The following CACNA1C variants were observed in gnomAD, a reference collection of about 807,000 sequenced individuals.
CACNA1C encodes the protein calcium voltage-gated channel subunit alpha1 C.
A neutral mutation model predicts 229.0 loss-of-function variants in CACNA1C; 30 were observed. The ratio of observed to expected loss-of-function variants is 0.13; its 90% CI spans 0.10 to 0.18. CACNA1C has a LOEUF of 0.18. CACNA1C is among the 10% of genes least tolerant of loss of function. CACNA1C has a pLI of 1.00. For missense variants in CACNA1C, 1,658 were observed against 2,845.0 expected (o/e 0.58, Z 9.49); for synonymous variants, 1,114 against 1,132.5 (o/e 0.98, Z 0.33).
intron 1 of CACNA1C, chr12:1,991,096 T>C (rs1593205116): frequency 2.2e-6 from 1 of 456,132 alleles, no homozygotes. Flanking sequence ...ATTAGAAACA[T>C]TTTAATATGC....
intron 3 of CACNA1C, among the ~76,000 whole-genome samples, chr12:2,238,082 G>C (rs2154370440): frequency 6.6e-6 from 1 of 152,314 alleles, no homozygotes; most frequent in African/African-American, 2.4e-5. Context: ...GAGACTCTTT[G>C]TTCTAGCCTT....
intron 3 of CACNA1C, among the ~76,000 whole-genome samples, chr12:2,369,144 G>A (rs945767117): frequency 6.6e-6 from 1 of 152,200 alleles, no homozygotes; most frequent in Non-Finnish European, 1.5e-5. Context: ...ATCCTCCTAT[G>A]TGTCTCCAAA....
At chr12:2,501,664 T>C (rs1441015286) in intron 7 of CACNA1C, among the ~76,000 whole-genome samples, 1 of 152,232 alleles carries the variant, frequency 6.6e-6, no homozygotes, top group Non-Finnish European at 1.5e-5. Context: ...CCTAATCTCA[T>C]GTCACCAATC....
chr12:2,523,597 A>G (rs1395818872), intron 9 of CACNA1C, among the ~76,000 whole-genome samples: 1 of 152,276 alleles, frequency 6.6e-6, no homozygotes, highest in East Asian at 1.9e-4. Flanking sequence ...GGGATCACTG[A>G]CACGTGGTGT....
At chr12:2,375,636 C>T (rs2098030710) in intron 3 of CACNA1C, among the ~76,000 whole-genome samples, 1 of 152,206 alleles carries the variant, frequency 6.6e-6, no homozygotes, top group Non-Finnish European at 1.5e-5. Flanking sequence ...GTTTTCCAGG[C>T]CGCTGTCTCT....
At chr12:2,681,707 C>T (rs571719417) in intron 42 of CACNA1C, among the ~76,000 whole-genome samples, 11 of 152,096 alleles carry the variant, frequency 7.2e-5, no homozygotes, top group African/African-American at 2.2e-4. Flanking sequence ...TCCTCCTCCT[C>T]GAGAGAGAGA....
In CACNA1C at chr12:2,004,696, G is replaced by A. The variant is rs1593508640; in HGVS notation, c.139+33495G>A. The A allele has an allele frequency of 2.8e-5, 14 of 495,240 alleles. 1 individual carries two copies. In the East Asian group the frequency reaches 5.0e-4, roughly 18 times the overall value. 30.7% of individuals were successfully genotyped at this position (495,240 alleles called of 1,614,324 possible). A position where few individuals can be genotyped will look rare whatever the true frequency, so the allele number is the denominator to read the frequency against. On this transcript the variant is annotated intron_variant, in intron 1 of 46. Coordinates refer to the CACNA1C transcript ENST00000682462. ...CTGCATCCCGTTTCTTTCTCCAAGAGCTGTTTTTCTACGCGCTCGAGCCTT... is the reference window on the plus strand; with the variant it reads ...CTGCATCCCGTTTCTTTCTCCAAGAACTGTTTTTCTACGCGCTCGAGCCTT...
intron 3 of CACNA1C, among the ~76,000 whole-genome samples, chr12:2,295,121 G>A (rs2093917341): frequency 6.6e-6 from 1 of 152,244 alleles, no homozygotes; most frequent in Non-Finnish European, 1.5e-5. Context: ...GTGTGCCTCT[G>A]AGAGTCTTCT....
chr12:2,200,146 G>A (rs898295665), intron 3 of CACNA1C, among the ~76,000 whole-genome samples: 2 of 152,162 alleles, frequency 1.3e-5, no homozygotes, highest in African/African-American at 2.4e-5. Context: ...ATGGACCCTC[G>A]ATTCTGTTAT....
rs1598338400 is a variant in CACNA1C, at chr12:2,504,724, A to C, written c.1114-118A>C. ...GCAGGCTGTTTGGCCTCTGATTTGC[A>C]CCTAGAGGGTCCCCGGATCCTGGCG... On this transcript the variant is annotated intron_variant, in intron 7 of 46. Transcript: ENST00000399655. This position sits in a 1 kb window ranked among gnomAD's most constrained non-coding sequence, Gnocchi z 6.8. The C allele has an allele frequency of 1.3e-6, 1 of 764,458 alleles. No homozygotes were observed. Among genetic ancestry groups the C allele is most frequent in the Non-Finnish European group, 2.3e-6 (1 of 434,280 alleles). The allele number at this position is 764,458 out of a possible 1,614,324, so 47.4% of individuals were successfully genotyped here.
intron 3 of CACNA1C, among the ~76,000 whole-genome samples, chr12:2,357,364 CAG>C (rs2097402595): frequency 6.6e-6 from 1 of 152,170 alleles, no homozygotes; most frequent in Non-Finnish European, 1.5e-5. Context: ...TGGAGGCAAA[CAG>C]AGCTGTGTTT....
At chr12:2,501,066 A>G (rs1302360247) in intron 7 of CACNA1C, among the ~76,000 whole-genome samples, 1 of 151,028 alleles carries the variant, frequency 6.6e-6, no homozygotes, top group Non-Finnish European at 1.5e-5. Flanking sequence ...AAAATTAGCC[A>G]GGTGTGGTGG....
chr12:2,519,769 G>A (rs1368552090), intron 9 of CACNA1C, among the ~76,000 whole-genome samples: 1 of 152,200 alleles, frequency 6.6e-6, no homozygotes, highest in African/African-American at 2.4e-5. Flanking sequence ...CTGTGGACTT[G>A]GTGTTGTGAG....
In CACNA1C at chr12:2,054,079, C is replaced by T. The variant is rs1250780820; in HGVS notation, c.49+468C>T. 1.3e-5 allele frequency among the ~76,000 whole-genome samples: 2 copies of T among 148,460 alleles called. No homozygotes were observed. On this transcript the variant is annotated intron_variant, in intron 1 of 46. Coordinates refer to ENST00000399655, the MANE Select transcript of CACNA1C (RefSeq NM_000719.7). The surrounding 1 kb of genome is among the most constrained non-coding windows in gnomAD (Gnocchi z 5.5). ...CCCTGCGCCGGCAGAGCCCGGCGCC[C>T]ACGGCCGCCCCTGGGGCGCCCTCGC...
chr12:2,004,590 C>A (rs971446491), intron 1 of CACNA1C: 5 of 1,065,860 alleles, frequency 4.7e-6, no homozygotes, highest in Non-Finnish European at 6.6e-6. Context: ...CGCCGACAGA[C>A]GCAAGGCCTC....
intron 22 of CACNA1C, among the ~76,000 whole-genome samples, chr12:2,604,634 A>G (rs2074411975): frequency 6.6e-6 from 1 of 152,228 alleles, no homozygotes. Context: ...TAACCCTTGC[A>G]AAGACCTTCT....
At position 2,046,457 on chromosome 12, in the gene CACNA1C, A is replaced by G. The variant is rs184853368; in HGVS notation, c.140-68767A>G. Among the ~76,000 whole-genome samples, 188 of 152,318 alleles carry G rather than the reference A, an allele frequency of 1.2e-3. 3 individuals are homozygous for G. In the East Asian group the frequency reaches 0.032, roughly 26 times the overall value. ...ATTCCCATTTTGCAGATGAGCAAAC[A>G]GAAGTCCAAGATAGTTACATAATTA... On this transcript the variant is annotated intron_variant, in intron 1 of 46. Coordinates refer to the CACNA1C transcript ENST00000682462.
At chr12:2,460,798 C>G (rs150362099) in intron 5 of CACNA1C, among the ~76,000 whole-genome samples, 2 of 152,350 alleles carry the variant, frequency 1.3e-5, no homozygotes, top group African/African-American at 4.8e-5. Flanking sequence ...ATAGGAGCAG[C>G]AACGGTGTCT....
At chr12:2,450,394 A>T (rs575410740) in intron 4 of CACNA1C, among the ~76,000 whole-genome samples, 1 of 151,846 alleles carries the variant, frequency 6.6e-6, no homozygotes, top group South Asian at 2.1e-4. Context: ...CTCTACTAAA[A>T]ATACAAAAAC....
Sources: allele counts gnomAD v4.1 joint callset (sites outside exome capture counted in the v4.1 genomes callset), GRCh38; gene constraint gnomAD v4.1.1; non-coding constraint Gnocchi (gnomAD v3.1); transcripts MANE v1.5; gene names NCBI Gene and HGNC (gene_info 2026-07-23, HGNC 2026-07-21).